Variants in IL1RAPL2 observed in about 807,000 individuals in gnomAD.
The protein encoded by IL1RAPL2 is X-linked interleukin-1 receptor accessory protein-like 2.
Under a neutral mutation model 44.1 loss-of-function variants are expected in IL1RAPL2, and 3 were observed. The ratio of observed to expected loss-of-function variants is 0.07; its 90% CI spans 0.03 to 0.18. The LOEUF is 0.18. Ranked by LOEUF, IL1RAPL2 falls within the 10% of genes least tolerant of loss-of-function variation. IL1RAPL2 has a pLI of 1.00. For missense variants in IL1RAPL2, 391 were observed against 496.4 expected, an observed-to-expected ratio of 0.79 and a Z score of 2.02; for synonymous variants, 181 against 178.8, an observed-to-expected ratio of 1.01 and a Z score of -0.10.
chrX:104,688,684 C>T (rs1242677924), intron 2 of IL1RAPL2, among the ~76,000 whole-genome samples: 4 of 111,720 alleles, frequency 3.6e-5, no homozygotes. Context: ...TTGTTTAACC[C>T]AAGTCACTTT....
At chrX:104,964,544 C>G (rs1183486379) in intron 2 of IL1RAPL2, among the ~76,000 whole-genome samples, 1 of 109,951 alleles carries the variant, frequency 9.1e-6, no homozygotes, top group Non-Finnish European at 1.9e-5. Flanking sequence ...ATCTCCTGAC[C>G]TTGTGATCCA....
At chrX:105,468,431 G>A (rs2036145216) in intron 5 of IL1RAPL2, among the ~76,000 whole-genome samples, 1 of 46,689 alleles carries the variant, frequency 2.1e-5, no homozygotes, top group Admixed American at 3.0e-4. Context: ...GTATAGTAAA[G>A]TTTGGGAACA....
At chrX:104,658,089 G>C (rs1602665763) in intron 1 of IL1RAPL2, among the ~76,000 whole-genome samples, 1 of 111,918 alleles carries the variant, frequency 8.9e-6, no homozygotes, top group Non-Finnish European at 1.9e-5. Context: ...ACTAGAAATA[G>C]AATTTGACCC....
At chrX:105,586,442 G>T (rs752714052) in intron 6 of IL1RAPL2, among the ~76,000 whole-genome samples, 2 of 112,056 alleles carry the variant, frequency 1.8e-5, no homozygotes, top group East Asian at 5.6e-4. Flanking sequence ...ACAGTATGGG[G>T]ATTCCTCAAA....
chrX:105,338,912 C>G (rs1473219840), intron 5 of IL1RAPL2, among the ~76,000 whole-genome samples: 1 of 110,784 alleles, frequency 9.0e-6, no homozygotes, highest in East Asian at 2.8e-4. Context: ...CCAGCCTGGC[C>G]AACGTGGTGA....
chrX:105,435,953 C>A (rs1337545233), intron 5 of IL1RAPL2, among the ~76,000 whole-genome samples: 1 of 110,917 alleles, frequency 9.0e-6, no homozygotes, highest in Non-Finnish European at 1.9e-5. Flanking sequence ...GGGCTTAATA[C>A]CTGGGTAATG....
chrX:105,410,961 C>T (rs181367103), intron 5 of IL1RAPL2, among the ~76,000 whole-genome samples: 1 of 111,691 alleles, frequency 9.0e-6, no homozygotes, highest in South Asian at 3.7e-4. Context: ...GCATCAACAG[C>T]TATAATTAGT....
At chrX:105,388,357 T>A (rs1244248476) in intron 5 of IL1RAPL2, among the ~76,000 whole-genome samples, 4 of 55,119 alleles carry the variant, frequency 7.3e-5, no homozygotes, top group Non-Finnish European at 1.1e-4. Flanking sequence ...CCAAAGCAGA[T>A]TTTTTTTTTT....
chrX:105,068,845 G>T (rs1893783167), intron 2 of IL1RAPL2, among the ~76,000 whole-genome samples: 1 of 112,029 alleles, frequency 8.9e-6, no homozygotes, highest in Admixed American at 9.5e-5. Flanking sequence ...GCAAAAAATT[G>T]TTTGCCATGC....
intron 2 of IL1RAPL2, among the ~76,000 whole-genome samples, chrX:105,119,132 A>G (rs773792212): frequency 4.5e-4 from 50 of 111,560 alleles, no homozygotes; most frequent in Admixed American, 1.1e-3. Flanking sequence ...TGTACAGTTC[A>G]ATAAATCAAT....
At chrX:104,780,448 C>G (rs1369431037) in intron 2 of IL1RAPL2, among the ~76,000 whole-genome samples, 1 of 111,601 alleles carries the variant, frequency 9.0e-6, no homozygotes, top group East Asian at 2.8e-4. Context: ...GCCAGAATGG[C>G]TAGGAAGGGG....
intron 2 of IL1RAPL2, among the ~76,000 whole-genome samples, chrX:104,905,932 G>C (rs779498392): frequency 1.8e-5 from 2 of 110,066 alleles, no homozygotes; most frequent in Admixed American, 1.9e-4. Context: ...CTTCCTACCC[G>C]TGAACATGGA....
intron 2 of IL1RAPL2, among the ~76,000 whole-genome samples, chrX:104,780,895 G>A (rs894231756): frequency 3.6e-5 from 4 of 111,066 alleles, no homozygotes; most frequent in African/African-American, 1.3e-4. Flanking sequence ...AAGCCTATTT[G>A]GTATGAACAG....
At chrX:104,938,519 G>C (rs1370267597) in intron 2 of IL1RAPL2, among the ~76,000 whole-genome samples, 4 of 111,516 alleles carry the variant, frequency 3.6e-5, no homozygotes, top group Non-Finnish European at 7.5e-5. Context: ...ATGCAGATTT[G>C]TTAAATTACG....
intron 2 of IL1RAPL2, among the ~76,000 whole-genome samples, chrX:104,704,558 G>A (rs1931333800): frequency 9.0e-6 from 1 of 111,467 alleles, no homozygotes; most frequent in African/African-American, 3.3e-5. Context: ...AGGAAATCCA[G>A]AGTGCAGTCA....
chrX:104,770,574 G>A (rs758002751), intron 2 of IL1RAPL2, among the ~76,000 whole-genome samples: 5 of 111,522 alleles, frequency 4.5e-5, no homozygotes, highest in African/African-American at 1.3e-4. Context: ...TTATGGATAC[G>A]GAAACTGAGA....
chrX:104,919,232 T>C (rs1251160613), intron 2 of IL1RAPL2, among the ~76,000 whole-genome samples: 1 of 108,998 alleles, frequency 9.2e-6, no homozygotes, highest in Admixed American at 9.9e-5. Flanking sequence ...TTCTTTTTTT[T>C]TTTTTTTTTT....
At chrX:105,256,622 C>T (rs971342232) in intron 4 of IL1RAPL2, among the ~76,000 whole-genome samples, 1 of 111,398 alleles carries the variant, frequency 9.0e-6, no homozygotes, top group Non-Finnish European at 1.9e-5. Context: ...AGCGACCGTG[C>T]CTGGCCTATT....
intron 6 of IL1RAPL2, among the ~76,000 whole-genome samples, chrX:105,597,535 A>G (rs1020947866): frequency 9.0e-6 from 1 of 111,351 alleles, no homozygotes; most frequent in Non-Finnish European, 1.9e-5. Flanking sequence ...ACATAGTGAA[A>G]GCAAGAGCCA....
Sources: gnomAD v4.1 joint callset for allele counts (sites outside exome capture counted in the v4.1 genomes callset) on GRCh38, gnomAD v4.1.1 for gene constraint, MANE v1.5 for transcripts, NCBI Gene and HGNC (gene_info 2026-07-23, HGNC 2026-07-21) for gene names.